CYB5RL: variants seen among roughly 807,000 people sequenced by gnomAD.
CYB5RL encodes NADH-cytochrome b5 reductase-like.
CYB5RL carries 38 observed loss-of-function variants against 37.5 expected under a neutral mutation model. That is an observed-to-expected ratio of 1.01 (90% confidence interval 0.78 to 1.33). CYB5RL has a LOEUF of 1.33. Ranked by LOEUF, CYB5RL falls within the 40% of genes most tolerant of loss-of-function variation. The pLI is 0.00. For synonymous variants in CYB5RL, 141 were observed against 151.9 expected (o/e 0.93, Z 0.53); for missense variants, 388 against 394.4 (o/e 0.98, Z 0.14).
intron 7 of CYB5RL, among the ~76,000 whole-genome samples, chr1:54,175,969 A>G (rs1002441092): frequency 6.6e-5 from 10 of 152,178 alleles, no homozygotes; most frequent in Non-Finnish European, 1.3e-4. Context: ...ACCATCTTAC[A>G]AGCCCACAAA....
At position 54,179,179 on chromosome 1, in the gene CYB5RL, C is replaced by T; in HGVS notation, c.714G>A (p.Trp238Ter). 3 of 1,613,446 alleles carry T rather than the reference C, an allele frequency of 1.9e-6. No individual in the cohort carries two copies. Among genetic ancestry groups the T allele is most frequent in the Non-Finnish European group, 2.5e-6 (3 of 1,179,740 alleles). ...TGAGTACAAAGAAGGTACGGACATT[C>T]CAGAAACGGGCCTGCTCTTGGAGGA... ...KTFLQEQARF[W>*]NVRTFFVLSQ... Residue 238 changes from tryptophan (W) to a stop codon, truncating the protein, a stop_gained, in exon 7 of 8, where the codon TGG (tryptophan) becomes TGA (stop). Coordinates refer to ENST00000534324, the MANE Select transcript of CYB5RL (RefSeq NM_001031672.4). LOFTEE classifies it high-confidence loss of function.
At chr1:54,186,555 A>G (rs558907896) in intron 5 of CYB5RL, among the ~76,000 whole-genome samples, 1 of 152,350 alleles carries the variant, frequency 6.6e-6, no homozygotes, top group Admixed American at 6.5e-5. Flanking sequence ...CGAAGGAGAA[A>G]ATCAGCCTTG....
rs763180832 is a variant in CYB5RL, at chr1:54,195,601, C to G, written c.16G>C (p.Glu6Gln). 3.7e-6 allele frequency: 6 copies of G among 1,610,146 alleles called. No individual in the cohort carries two copies. In the Admixed American group the frequency reaches 1.0e-4, roughly 27 times the overall value. Reference sequence around the variant, plus strand: ...GCTTCCTCAGTGTCGTCGTCCTCTTCCCTCTCAGCCATCATCAGTGGGGCT... The same window carrying G: ...GCTTCCTCAGTGTCGTCGTCCTCTTGCCTCTCAGCCATCATCAGTGGGGCT... Reference protein sequence around the residue: MMAEREEDDDTEEAWM... With the variant: MMAERQEDDDTEEAWM... Residue 6 changes from glutamate to glutamine, a missense_variant, in exon 3 of 8, where the codon GAA becomes CAA. Physicochemically the swap from Glu to Gln is conservative, Grantham distance 29. Transcript: ENST00000534324.
chr1:54,189,424 A>G (rs1034235406), intron 4 of CYB5RL, among the ~76,000 whole-genome samples: 2 of 152,026 alleles, frequency 1.3e-5, no homozygotes, highest in Non-Finnish European at 2.9e-5. Context: ...GGTGGTGGGA[A>G]TGGGGCGTGG....
chr1:54,170,109 C>A lies in CYB5RL; in HGVS notation c.*4510G>T, dbSNP rs1659856101. 6.6e-6 allele frequency: 1 copy of A among 152,116 alleles called. No individual in the cohort carries two copies. Among genetic ancestry groups the A allele is most frequent in the South Asian group, 2.1e-4 (1 of 4,826 alleles). The allele number at this position is 152,116 out of a possible 1,614,324, so 9.4% of individuals were successfully genotyped here. On this transcript the variant is annotated 3_prime_UTR_variant, in exon 8 of 8. Coordinates refer to ENST00000534324, the MANE Select transcript of CYB5RL (RefSeq NM_001031672.4). ...TTTCAGAGAATGCAGCAATAAAAAT[C>A]TTTTTTTGGGGGGCACTGAGTCTCG...
chr1:54,187,620 G>T (rs1387667730), intron 5 of CYB5RL, 32 bp downstream of exon 5: 1 of 1,594,606 alleles, frequency 6.3e-7, no homozygotes, highest in Admixed American at 1.7e-5. Flanking sequence ...CTTCTCCACG[G>T]CATCTTGGAG....
At chr1:54,179,040 T>A (rs1005396308) in intron 7 of CYB5RL, 109 bp downstream of exon 7, 13 of 1,303,940 alleles carry the variant, frequency 1.0e-5, no homozygotes, top group Non-Finnish European at 1.4e-5. Flanking sequence ...GTGGCAGGGA[T>A]TATGACCACA....
chr1:54,190,483 T>G (rs1017038519), intron 4 of CYB5RL: 26 of 593,072 alleles, frequency 4.4e-5, no homozygotes, highest in African/African-American at 4.1e-4. Flanking sequence ...CAGGATTTTG[T>G]GAGGGTTAAA....
chr1:54,179,930 GCA>G lies in CYB5RL; in HGVS notation c.541-580_541-579del, dbSNP rs372573018. The G allele has an allele frequency of 1.1e-3, 500 of 454,044 alleles. 1 individual carries two copies. The highest frequency in any genetic ancestry group is 9.1e-3 in the African/African-American group (457 of 50,104). 28.1% of individuals were successfully genotyped at this position (454,044 alleles called of 1,614,324 possible). The stretch of plus-strand genomic sequence containing the variant: ...TGCATAAGCATGTAGCACAGCACTG[GCA>G]CAAAAGAGTCACTTGAAAAAGGTGA... On this transcript the variant is annotated intron_variant, in intron 6 of 7. Transcript: ENST00000534324.
At chr1:54,188,796 C>T (rs752442908) in intron 4 of CYB5RL, among the ~76,000 whole-genome samples, 3 of 152,172 alleles carry the variant, frequency 2.0e-5, no homozygotes, top group East Asian at 1.9e-4. Flanking sequence ...AGTCCTACTA[C>T]GTACAAAACT....
chr1:54,174,496 A>G lies in CYB5RL; in HGVS notation c.*123T>C. 8.5e-7 allele frequency: 1 copy of G among 1,179,432 alleles called. No individual in the cohort carries two copies. Among genetic ancestry groups the G allele is most frequent in the Non-Finnish European group, 1.2e-6 (1 of 822,628 alleles). 73.1% of individuals were successfully genotyped at this position (1,179,432 alleles called of 1,614,324 possible). On this transcript the variant is annotated 3_prime_UTR_variant, in exon 8 of 8. Transcript: ENST00000534324. ...TCTGAGCAGTAAAGACACTTGCCCA[A>G]GGTCACCTGGCAAATGAGCAGCAGG... is the stretch of plus-strand genomic sequence containing the variant.
intron 5 of CYB5RL, chr1:54,184,970 C>T (rs997297247): frequency 5.3e-5 from 8 of 152,218 alleles, no homozygotes; most frequent in African/African-American, 1.9e-4. Context: ...TCTATATTGC[C>T]TGGGTGCCTG....
At chr1:54,198,331 CT>C (rs1431466737) in intron 1 of CYB5RL, among the ~76,000 whole-genome samples, 1 of 148,914 alleles carries the variant, frequency 6.7e-6, no homozygotes, top group African/African-American at 2.5e-5. Context: ...TCTTTTCTTT[CT>C]TTCTTTTTTT....
intron 5 of CYB5RL, among the ~76,000 whole-genome samples, chr1:54,186,745 A>G (rs1458932173): frequency 1.3e-5 from 2 of 150,672 alleles, no homozygotes; most frequent in South Asian, 2.1e-4. Flanking sequence ...AGGAATAAAC[A>G]CTCGGGCTCA....
intron 4 of CYB5RL, among the ~76,000 whole-genome samples, chr1:54,188,620 A>G (rs1643923427): frequency 6.6e-6 from 1 of 152,204 alleles, no homozygotes; most frequent in East Asian, 1.9e-4. Context: ...TTTCATATGC[A>G]TTATCTCATT....
At chr1:54,192,730 A>G (rs1454786472) in intron 3 of CYB5RL, among the ~76,000 whole-genome samples, 4 of 151,622 alleles carry the variant, frequency 2.6e-5, no homozygotes, top group Admixed American at 2.0e-4. Context: ...TCAGTTCCTT[A>G]GTGAGTCTTT....
At chr1:54,186,713 T>C (rs898864749) in intron 5 of CYB5RL, among the ~76,000 whole-genome samples, 1 of 151,360 alleles carries the variant, frequency 6.6e-6, no homozygotes, top group Non-Finnish European at 1.5e-5. Context: ...GAAGAAGGGA[T>C]CCCATCCAAG....
At chr1:54,195,806 C>A in intron 2 of CYB5RL, 91 bp from the exon 3 acceptor site, 1 of 549,226 alleles carries the variant, frequency 1.8e-6, no homozygotes, top group Non-Finnish European at 3.0e-6. Flanking sequence ...TGTGCAAGCA[C>A]TGGGGATGGA....
At chr1:54,195,947 C>T (rs1318268824) in intron 2 of CYB5RL, among the ~76,000 whole-genome samples, 1 of 152,162 alleles carries the variant, frequency 6.6e-6, no homozygotes, top group African/African-American at 2.4e-5. Context: ...CTTCAGGAAA[C>T]CTGGTTCTAC....
Sources: allele counts gnomAD v4.1 joint callset (sites outside exome capture counted in the v4.1 genomes callset), GRCh38; gene constraint gnomAD v4.1.1; transcripts MANE v1.5; gene names NCBI Gene and HGNC (gene_info 2026-07-23, HGNC 2026-07-21).